Variants in LINGO2 observed in about 807,000 individuals in gnomAD.
The protein encoded by LINGO2 is leucine rich repeat and Ig domain containing 2.
Under a neutral mutation model 30.6 loss-of-function variants are expected in LINGO2, and 14 were observed. That is an observed-to-expected ratio of 0.46 (90% CI 0.30 to 0.72). The LOEUF is 0.72. Ranked by LOEUF, LINGO2 falls within the 30% of genes least tolerant of loss-of-function variation. LINGO2 has a pLI of 0.07. For missense variants in LINGO2, 729 were observed against 751.7 expected, an observed-to-expected ratio of 0.97 and a Z score of 0.35; for synonymous variants, 317 against 288.5, an observed-to-expected ratio of 1.10 and a Z score of -1.00.
rs148556678 is a variant in LINGO2 at position 28,181,409 on chromosome 9, G to A, written c.-87+113799C>T. Among the ~76,000 whole-genome samples, 57 of 152,316 alleles carry A rather than the reference G, an allele frequency of 3.7e-4. 1 individual carries two copies. The highest frequency in any genetic ancestry group is 7.7e-4 in the East Asian group (4 of 5,180). On this transcript the variant is annotated intron_variant, in intron 4 of 5. Transcript: ENST00000379992. Reference sequence around the variant, plus strand: ...ATTTTCTAGGCAAAGGCTCAGGCCAGTGGATCTCAAAGTGTGATATCTCGG... The same window carrying A: ...ATTTTCTAGGCAAAGGCTCAGGCCAATGGATCTCAAAGTGTGATATCTCGG...
intron 4 of LINGO2, among the ~76,000 whole-genome samples, chr9:28,284,042 T>C (rs1823419681): frequency 6.6e-6 from 1 of 152,146 alleles, no homozygotes; most frequent in Non-Finnish European, 1.5e-5. Flanking sequence ...GCAAATATTT[T>C]ATCAAATCGT....
At chr9:28,869,928 A>C in the LINGO2 span, among the ~76,000 whole-genome samples, 1 of 151,960 alleles carries the variant, frequency 6.6e-6, no homozygotes, top group African/African-American at 2.4e-5. Flanking sequence ...AAATGTCTTT[A>C]AAGGAAAGGA....
chr9:28,315,405 GAAA>G (rs11285660), intron 3 of LINGO2, among the ~76,000 whole-genome samples: 1 of 141,442 alleles, frequency 7.1e-6, no homozygotes. Flanking sequence ...CCGTCTCGGG[GAAA>G]AAAAAAAAAA....
chr9:29,210,000 T>G, the LINGO2 span, among the ~76,000 whole-genome samples: 3 of 152,266 alleles, frequency 2.0e-5, no homozygotes, highest in South Asian at 2.1e-4. Context: ...ACAGAATATC[T>G]AGAGACCAAA....
chr9:28,778,973 C>G, the LINGO2 span, among the ~76,000 whole-genome samples: 1 of 152,088 alleles, frequency 6.6e-6, no homozygotes, highest in African/African-American at 2.4e-5. Context: ...TAATTAAGAT[C>G]ACACAGAAGA....
intron 1 of LINGO2, among the ~76,000 whole-genome samples, chr9:28,557,085 G>A (rs1430031770): frequency 2.6e-5 from 4 of 152,038 alleles, no homozygotes; most frequent in Admixed American, 2.6e-4. Flanking sequence ...ACATAGGCAT[G>A]GGCAAGGACT....
At chr9:28,100,974 A>G (rs1296531169) in intron 4 of LINGO2, among the ~76,000 whole-genome samples, 1 of 152,156 alleles carries the variant, frequency 6.6e-6, no homozygotes, top group African/African-American at 2.4e-5. Context: ...GAAGATACAC[A>G]GATAAGGGTA....
At chr9:29,096,337 C>A in the LINGO2 span, among the ~76,000 whole-genome samples, 2 of 139,230 alleles carry the variant, frequency 1.4e-5, no homozygotes, top group Non-Finnish European at 3.1e-5. Context: ...CCAGGCTGGA[C>A]TGCAGTGGCG....
At chr9:28,494,022 T>G (rs1312268718) in intron 1 of LINGO2, among the ~76,000 whole-genome samples, 2 of 152,156 alleles carry the variant, frequency 1.3e-5, no homozygotes, top group Non-Finnish European at 2.9e-5. Context: ...CTCCCCTTTA[T>G]ATATACATCT....
the LINGO2 span, among the ~76,000 whole-genome samples, chr9:28,885,770 T>C: frequency 1.3e-5 from 2 of 152,090 alleles, no homozygotes; most frequent in Non-Finnish European, 2.9e-5. Flanking sequence ...GCTTCCCAGG[T>C]GGTGGAACAT....
chr9:28,142,255 T>C (rs2218947), intron 4 of LINGO2, among the ~76,000 whole-genome samples: 37,460 of 151,358 alleles, frequency 0.25, 4,680 homozygotes, highest in Non-Finnish European at 0.26. Context: ...CTTAGTAAGT[T>C]TATCCTCTAA....
At chr9:29,106,472 C>T in the LINGO2 span, among the ~76,000 whole-genome samples, 1 of 152,062 alleles carries the variant, frequency 6.6e-6, no homozygotes, top group Non-Finnish European at 1.5e-5. Context: ...TGGGAACACA[C>T]GGAATTCTCT....
the LINGO2 span, among the ~76,000 whole-genome samples, chr9:29,033,034 A>G: frequency 6.6e-6 from 1 of 152,234 alleles, no homozygotes; most frequent in South Asian, 2.1e-4. Context: ...AATTTATAAT[A>G]TATACTTTAA....
chr9:28,572,030 T>A (rs1823720074), intron 1 of LINGO2, among the ~76,000 whole-genome samples: 1 of 152,024 alleles, frequency 6.6e-6, no homozygotes, highest in African/African-American at 2.4e-5. Flanking sequence ...GAAAATTACA[T>A]GAAAAATATG....
chr9:29,024,110 A>G, the LINGO2 span, among the ~76,000 whole-genome samples: 3 of 152,090 alleles, frequency 2.0e-5, no homozygotes, highest in South Asian at 2.1e-4. Context: ...TTCAGCATCA[A>G]TAAAACCCTT....
intron 3 of LINGO2, among the ~76,000 whole-genome samples, chr9:28,330,547 G>A (rs1469910460): frequency 6.6e-6 from 1 of 151,956 alleles, no homozygotes; most frequent in Non-Finnish European, 1.5e-5. Flanking sequence ...GGCTGTGCTT[G>A]GTACATGGTA....
At chr9:29,062,484 T>A in the LINGO2 span, among the ~76,000 whole-genome samples, 5 of 152,054 alleles carry the variant, frequency 3.3e-5, no homozygotes, top group African/African-American at 1.2e-4. Context: ...GGTATACATA[T>A]ACAATAGGAT....
At chr9:28,853,477 A>G in the LINGO2 span, among the ~76,000 whole-genome samples, 3 of 152,064 alleles carry the variant, frequency 2.0e-5, no homozygotes, top group Non-Finnish European at 2.9e-5. Context: ...GATCAGAAAC[A>G]CATGCTCCAG....
intron 4 of LINGO2, among the ~76,000 whole-genome samples, chr9:28,195,289 G>A (rs1322043700): frequency 6.6e-6 from 1 of 151,442 alleles, no homozygotes; most frequent in Non-Finnish European, 1.5e-5. Context: ...ATGGGGATTA[G>A]GTCCTCTCTA....
Sources: allele counts gnomAD v4.1 joint callset (sites outside exome capture counted in the v4.1 genomes callset), GRCh38; gene constraint gnomAD v4.1.1; transcripts MANE v1.5; gene names NCBI Gene and HGNC (gene_info 2026-07-23, HGNC 2026-07-21).